SGCZ: variants seen among roughly 807,000 people sequenced by gnomAD.
SGCZ encodes the protein sarcoglycan zeta, also known as zeta-sarcoglycan.
A neutral mutation model predicts 41.3 loss-of-function variants in SGCZ; 40 were observed. The observed-to-expected ratio is 0.97, with a 90% CI of 0.75 to 1.26. The LOEUF (loss-of-function observed/expected upper bound fraction) is 1.26. SGCZ is among the 50% of genes most tolerant of loss of function. The pLI is 0.00. For missense variants in SGCZ, 552 were observed against 369.8 expected (o/e 1.49, Z -4.04); for synonymous variants, 206 against 137.5 (o/e 1.50, Z -3.49).
At chr8:15,126,750 C>A (rs1208106432) in intron 1 of SGCZ, among the ~76,000 whole-genome samples, 1 of 151,986 alleles carries the variant, frequency 6.6e-6, no homozygotes, top group Non-Finnish European at 1.5e-5. Flanking sequence ...AAGTGTGGCT[C>A]ATTTGAGCAA....
intron 4 of SGCZ, among the ~76,000 whole-genome samples, chr8:14,199,454 C>G (rs1455046467): frequency 6.6e-6 from 1 of 152,160 alleles, no homozygotes; most frequent in Non-Finnish European, 1.5e-5. Flanking sequence ...GTCCTGTGAT[C>G]TCGCCCTGCC....
At chr8:15,164,311 C>A (rs945717922) in intron 1 of SGCZ, among the ~76,000 whole-genome samples, 11 of 152,130 alleles carry the variant, frequency 7.2e-5, no homozygotes, top group Non-Finnish European at 1.3e-4. Context: ...GGATACCATG[C>A]CTTTTTCTTC....
chr8:14,103,883 A>G lies in SGCZ; in HGVS notation c.621-1384T>C, dbSNP rs1433655192. On this transcript the variant is annotated intron_variant, in intron 6 of 7. Transcript: ENST00000382080. ...AAAATTTACTATTAGCATTTTACGC[A>G]CAGTATCTAAATGTCAAAATTTGAA... 2.6e-5 allele frequency among the ~76,000 whole-genome samples: 4 copies of G among 152,334 alleles called. No homozygotes were observed. In the East Asian group the frequency reaches 5.8e-4, roughly 22 times the overall value.
intron 2 of SGCZ, among the ~76,000 whole-genome samples, chr8:14,326,082 A>C (rs891990901): frequency 7.7e-6 from 1 of 130,466 alleles, no homozygotes; most frequent in Non-Finnish European, 1.6e-5. Flanking sequence ...ACTGAACTCC[A>C]GCCTGGGCGA....
At chr8:14,731,054 T>C (rs944927993) in intron 1 of SGCZ, among the ~76,000 whole-genome samples, 3 of 151,724 alleles carry the variant, frequency 2.0e-5, no homozygotes, top group Admixed American at 6.6e-5. Context: ...CAAAGGATGA[T>C]AAATAATTCT....
chr8:14,919,611 CA>C (rs1799532738), intron 1 of SGCZ, among the ~76,000 whole-genome samples: 1 of 152,042 alleles, frequency 6.6e-6, no homozygotes, highest in Non-Finnish European at 1.5e-5. Flanking sequence ...GTAATTTTGA[CA>C]GTAGTACTAT....
chr8:15,025,575 T>C (rs906837076), intron 1 of SGCZ, among the ~76,000 whole-genome samples: 9 of 152,122 alleles, frequency 5.9e-5, no homozygotes, highest in African/African-American at 2.2e-4. Flanking sequence ...GAAATCCCAT[T>C]CTCCTGAAGT....
At chr8:14,623,127 C>T (rs1016642269) in intron 1 of SGCZ, among the ~76,000 whole-genome samples, 2 of 152,034 alleles carry the variant, frequency 1.3e-5, no homozygotes, top group African/African-American at 2.4e-5. Flanking sequence ...CAGTGTATTA[C>T]CATGAAGTAT....
intron 1 of SGCZ, among the ~76,000 whole-genome samples, chr8:14,656,433 C>T (rs1415959183): frequency 1.5e-5 from 2 of 136,542 alleles, no homozygotes; most frequent in East Asian, 4.3e-4. Flanking sequence ...TCCTTCCTCC[C>T]CCCTCTATCC....
intron 1 of SGCZ, among the ~76,000 whole-genome samples, chr8:14,869,489 A>C (rs1478715227): frequency 6.6e-6 from 1 of 152,200 alleles, no homozygotes; most frequent in East Asian, 1.9e-4. Flanking sequence ...ATCATACTGA[A>C]TGGGCAAAAG....
chr8:14,823,727 G>T (rs766920707), intron 1 of SGCZ, among the ~76,000 whole-genome samples: 19 of 152,136 alleles, frequency 1.2e-4, no homozygotes, highest in Admixed American at 5.2e-4. Flanking sequence ...CCATTCCTGT[G>T]TCTATATTCA....
At chr8:14,675,161 C>A (rs369767648) in intron 1 of SGCZ, among the ~76,000 whole-genome samples, 2 of 151,520 alleles carry the variant, frequency 1.3e-5, no homozygotes, top group South Asian at 4.2e-4. Context: ...AGGATGGTCT[C>A]GATCTCCTGA....
At position 14,144,598 on chromosome 8, in the gene SGCZ, G is replaced by C. The variant is rs140712678; in HGVS notation, c.547+19982C>G. Among the ~76,000 whole-genome samples the C allele has an allele frequency of 6.7e-3, 1,014 of 152,284 alleles. 13 individuals are homozygous for C. Among genetic ancestry groups the C allele is most frequent in the African/African-American group, 0.024 (984 of 41,560 alleles). ...ACTCTTTCTACTGGAGAAAAGCAGA[G>C]GGAAAAGTAAAAGGAAGACCAAGTC... On this transcript the variant is annotated intron_variant, in intron 5 of 7. Transcript: ENST00000382080.
At chr8:14,522,744 T>C (rs1372402791) in intron 2 of SGCZ, among the ~76,000 whole-genome samples, 1 of 151,846 alleles carries the variant, frequency 6.6e-6, no homozygotes, top group African/African-American at 2.4e-5. Flanking sequence ...TTAAAATTGA[T>C]TAAATTCCTT....
At chr8:14,462,005 C>T (rs1379472226) in intron 2 of SGCZ, among the ~76,000 whole-genome samples, 2 of 152,012 alleles carry the variant, frequency 1.3e-5, no homozygotes, top group Non-Finnish European at 2.9e-5. Context: ...AAATTTACCT[C>T]ATTCAATTAT....
At position 14,642,947 on chromosome 8, in the gene SGCZ, C is replaced by T. The variant is rs1191781805; in HGVS notation, c.40-88021G>A. ...GGGTAGAGATTTCTGTTTCACACCT[C>T]GATATATTGCAAACCCCTAGAAAAA... On this transcript the variant is annotated intron_variant, in intron 1 of 7. Transcript: ENST00000382080. Among the ~76,000 whole-genome samples the T allele has an allele frequency of 2.6e-5, 4 of 151,470 alleles. No homozygotes were observed. In the East Asian group the frequency reaches 7.8e-4, roughly 30 times the overall value.
intron 1 of SGCZ, among the ~76,000 whole-genome samples, chr8:14,566,779 C>A (rs1585085773): frequency 6.6e-6 from 1 of 152,214 alleles, no homozygotes; most frequent in Admixed American, 6.5e-5. Context: ...TCTGGGCTGG[C>A]CAAGGCCGGA....
At position 14,676,925 on chromosome 8, in the gene SGCZ, G is replaced by A. The variant is rs751617910; in HGVS notation, c.40-121999C>T. The stretch of plus-strand genomic sequence containing the variant: ...GAATAAGGTAAGGATGCCTCTTCTC[G>A]TCACTCTTTTTCAACATCATACTGT... On this transcript the variant is annotated intron_variant, in intron 1 of 7. Transcript: ENST00000382080. 3.6e-4 allele frequency among the ~76,000 whole-genome samples: 55 copies of A among 152,070 alleles called. 1 individual carries two copies. The highest frequency in any genetic ancestry group is 1.3e-3 in the Admixed American group (20 of 15,286).
chr8:14,189,019 C>CTTTT (rs60448346), intron 4 of SGCZ, among the ~76,000 whole-genome samples: 2,283 of 142,430 alleles, frequency 0.016, 56 homozygotes, highest in East Asian at 0.056. Context: ...CCACGCCCAG[C>CTTTT]TTTTTTTTTT....
Sources: allele counts gnomAD v4.1 joint callset (sites outside exome capture counted in the v4.1 genomes callset), GRCh38; gene constraint gnomAD v4.1.1; transcripts MANE v1.5; gene names NCBI Gene and HGNC (gene_info 2026-07-23, HGNC 2026-07-21).